Variants in NCKAP5 observed in about 807,000 individuals in gnomAD.
NCKAP5 encodes the protein NCK associated protein 5, also known as nck-associated protein 5.
NCKAP5 carries 92 observed loss-of-function variants against 167.0 expected under a neutral mutation model. The ratio of observed to expected loss-of-function variants is 0.55; its 90% CI spans 0.47 to 0.66. The LOEUF is 0.66. NCKAP5 is among the 30% of genes least tolerant of loss of function. The probability of loss-of-function intolerance (pLI) is 0.00; values close to 1 mark genes in which losing one functional copy is unlikely to be tolerated. For missense variants in NCKAP5, 2,378 were observed against 2,315.0 expected, an observed-to-expected ratio of 1.03 and a Z score of -0.56; for synonymous variants, 891 against 877.4, an observed-to-expected ratio of 1.02 and a Z score of -0.27.
intron 6 of NCKAP5, among the ~76,000 whole-genome samples, chr2:133,009,841 G>A (rs1303714175): frequency 6.6e-6 from 1 of 151,992 alleles, no homozygotes; most frequent in Non-Finnish European, 1.5e-5. Flanking sequence ...AGGCCGAGGT[G>A]GGTGGATCGT....
intron 3 of NCKAP5, among the ~76,000 whole-genome samples, chr2:133,437,454 T>C (rs1243607440): frequency 6.6e-6 from 1 of 152,134 alleles, no homozygotes; most frequent in Admixed American, 6.5e-5. Context: ...CGTAAAAAAC[T>C]GAACAAAGAA....
intron 3 of NCKAP5, among the ~76,000 whole-genome samples, chr2:133,415,979 A>G (rs1689085107): frequency 6.6e-6 from 1 of 152,214 alleles, no homozygotes; most frequent in African/African-American, 2.4e-5. Flanking sequence ...GATTTTGGTG[A>G]AATAAGTGTG....
At chr2:133,041,259 G>T (rs7608610) in intron 6 of NCKAP5, among the ~76,000 whole-genome samples, 1 of 152,080 alleles carries the variant, frequency 6.6e-6, no homozygotes, top group African/African-American at 2.4e-5. Flanking sequence ...TGAGGACTCA[G>T]TATAGCATCT....
intron 10 of NCKAP5, among the ~76,000 whole-genome samples, chr2:132,865,126 G>A (rs1403322155): frequency 1.3e-5 from 2 of 151,978 alleles, no homozygotes; most frequent in African/African-American, 2.4e-5. Context: ...TAAGACTTTT[G>A]TAACATGAAA....
At chr2:133,305,482 A>G (rs529894684) in intron 3 of NCKAP5, among the ~76,000 whole-genome samples, 1 of 152,298 alleles carries the variant, frequency 6.6e-6, no homozygotes, top group South Asian at 2.1e-4. Context: ...TTTTCAGAGT[A>G]TTATGTACCT....
intron 6 of NCKAP5, among the ~76,000 whole-genome samples, chr2:133,087,304 A>G (rs1384335483): frequency 6.6e-6 from 1 of 152,220 alleles, no homozygotes; most frequent in Non-Finnish European, 1.5e-5. Context: ...TACAAATCCA[A>G]TGACAAAGTA....
intron 3 of NCKAP5, among the ~76,000 whole-genome samples, chr2:133,305,253 A>C (rs1680696343): frequency 6.6e-6 from 1 of 152,212 alleles, no homozygotes; most frequent in Non-Finnish European, 1.5e-5. Flanking sequence ...AGTGATGACA[A>C]ATGAGACTTT....
chr2:132,674,385 G>A (rs1244515634), intron 19 of NCKAP5, among the ~76,000 whole-genome samples: 1 of 152,336 alleles, frequency 6.6e-6, no homozygotes, highest in East Asian at 1.9e-4. Context: ...CCAGCAAGTG[G>A]CAGAGAACAG....
At chr2:133,587,588 C>T in the NCKAP5 span, among the ~76,000 whole-genome samples, 5,348 of 152,252 alleles carry the variant, frequency 0.035, 419 homozygotes, top group East Asian at 0.32. Context: ...CAAGAGAGAG[C>T]CAGCCAGTAG....
the NCKAP5 span, among the ~76,000 whole-genome samples, chr2:133,671,427 G>A: frequency 1.3e-5 from 2 of 151,724 alleles, no homozygotes; most frequent in African/African-American, 4.8e-5. Flanking sequence ...GAGTGATGAA[G>A]GTTCTGCCCT....
chr2:132,925,122 T>G (rs945716748), intron 8 of NCKAP5, among the ~76,000 whole-genome samples: 1 of 152,102 alleles, frequency 6.6e-6, no homozygotes, highest in African/African-American at 2.4e-5. Context: ...AATTTTTCCA[T>G]GGACTTTGTT....
intron 11 of NCKAP5, among the ~76,000 whole-genome samples, chr2:132,826,904 T>C (rs1231835232): frequency 6.6e-6 from 1 of 152,162 alleles, no homozygotes; most frequent in Admixed American, 6.5e-5. Flanking sequence ...TGCAGTGCGA[T>C]GGGTGCTGGG....
intron 5 of NCKAP5, among the ~76,000 whole-genome samples, chr2:133,199,959 A>T (rs2085602918): frequency 6.6e-6 from 1 of 151,886 alleles, no homozygotes; most frequent in African/African-American, 2.4e-5. Context: ...AAAAAAGCAT[A>T]TAGTTCAGAT....
chr2:133,188,396 A>T (rs1050182474), intron 5 of NCKAP5, among the ~76,000 whole-genome samples: 14 of 152,190 alleles, frequency 9.2e-5, no homozygotes, highest in African/African-American at 2.9e-4. Context: ...GTTAACAAGG[A>T]TATCCAGGAA....
At chr2:133,512,317 C>T (rs188188096) in intron 3 of NCKAP5, among the ~76,000 whole-genome samples, 6 of 152,102 alleles carry the variant, frequency 3.9e-5, no homozygotes, top group Admixed American at 3.9e-4. Context: ...TCTGCCTGCC[C>T]GCATATCACA....
rs751281863 is a variant in NCKAP5, at chr2:132,960,579, G to A, written c.579+3141C>T. Among the ~76,000 whole-genome samples the A allele has an allele frequency of 1.7e-3, 255 of 152,274 alleles. 3 individuals carry two copies. Among genetic ancestry groups the A allele is most frequent in the Non-Finnish European group, 1.9e-3 (130 of 68,026 alleles). On this transcript the variant is annotated intron_variant, in intron 8 of 19. Coordinates refer to ENST00000409261, the MANE Select transcript of NCKAP5 (RefSeq NM_207363.3). ...GCTCTGTTTCATAAGAGGTTGGTGC[G>A]TGGAGAAGAAAGAGGAATTGATTGA...
upstream of NCKAP5, among the ~76,000 whole-genome samples, chr2:133,571,735 T>C (rs531719538): frequency 6.6e-6 from 1 of 152,262 alleles, no homozygotes; most frequent in Non-Finnish European, 1.5e-5. Flanking sequence ...TGATGACATG[T>C]ATTACAAGGG....
rs140359570 is a variant in NCKAP5, at chr2:133,180,230, T to C, written c.207+33486A>G. Among the ~76,000 whole-genome samples the C allele has an allele frequency of 1.7e-3, 263 of 152,196 alleles. 1 individual carries two copies. Among genetic ancestry groups the C allele is most frequent in the African/African-American group, 6.1e-3 (255 of 41,536 alleles). On this transcript the variant is annotated intron_variant, in intron 5 of 19. Coordinates refer to ENST00000409261, the MANE Select transcript of NCKAP5 (RefSeq NM_207363.3). ...TATACCCAGTCAAAGTATCCCTCAGTAATGAAGGAGAAATCAAGACATCTC... is the reference window on the plus strand; with the variant it reads ...TATACCCAGTCAAAGTATCCCTCAGCAATGAAGGAGAAATCAAGACATCTC...
chr2:133,297,166 AGTGTGTGTGTGTGTGTGTGTGTGT>A (rs60321858), intron 4 of NCKAP5, among the ~76,000 whole-genome samples: 1 of 142,086 alleles, frequency 7.0e-6, no homozygotes. Context: ...AGGTTGTCAC[AGTGTGTGTGTGTGTGTGTGTGTGT>A]GTGTGTGTGT....
Sources: allele counts gnomAD v4.1 joint callset (sites outside exome capture counted in the v4.1 genomes callset), GRCh38; gene constraint gnomAD v4.1.1; transcripts MANE v1.5; gene names NCBI Gene and HGNC (gene_info 2026-07-23, HGNC 2026-07-21).